The following CES5A variants were observed in gnomAD, a reference collection of about 807,000 sequenced individuals.
CES5A encodes carboxylesterase 5A, also known as carboxylesterase 5.
CES5A carries 67 observed loss-of-function variants against 62.9 expected under a neutral mutation model. That is an observed-to-expected ratio of 1.07 (90% CI 0.88 to 1.31). The LOEUF is 1.31. Among genes scored for constraint, CES5A ranks in the 50% most tolerant of loss-of-function variants. The probability of loss-of-function intolerance (pLI) is 0.00; values close to 1 mark genes in which losing one functional copy is unlikely to be tolerated. For missense variants in CES5A, 748 were observed against 708.5 expected, an observed-to-expected ratio of 1.06 and a Z score of -0.63; for synonymous variants, 296 against 280.8, an observed-to-expected ratio of 1.05 and a Z score of -0.54.
At chr16:55,925,248 A>G (rs1161724637) in intron 1 of CES5A, 1 of 152,100 alleles carries the variant, frequency 6.6e-6, no homozygotes, top group Non-Finnish European at 1.5e-5. Context: ...GCCAACAAGT[A>G]TATGAAAAAC....
chr16:55,948,710 G>C (rs942876128), intron 2 of CES5A, among the ~76,000 whole-genome samples: 1 of 152,182 alleles, frequency 6.6e-6, no homozygotes, highest in Non-Finnish European at 1.5e-5. Context: ...GACAATTGCT[G>C]TAATCCAAGC....
At chr16:55,881,913 G>C (rs1279590589) in intron 1 of CES5A, among the ~76,000 whole-genome samples, 1 of 151,998 alleles carries the variant, frequency 6.6e-6, no homozygotes, top group Non-Finnish European at 1.5e-5. Context: ...TACCTTAATG[G>C]GCAAAAAAAC....
chr16:55,886,022 C>T (rs544356983), intron 1 of CES5A, among the ~76,000 whole-genome samples: 15 of 152,326 alleles, frequency 9.8e-5, no homozygotes, highest in South Asian at 6.2e-4. Context: ...CAATCACATC[C>T]GTCCACTGCC....
intron 1 of CES5A, among the ~76,000 whole-genome samples, chr16:55,907,683 C>A (rs1410911451): frequency 6.6e-6 from 1 of 152,110 alleles, no homozygotes; most frequent in Non-Finnish European, 1.5e-5. Context: ...GAGAGGGCAC[C>A]CTCATTATTC....
At chr16:55,875,887 A>G (rs923009104), upstream of CES5A, among the ~76,000 whole-genome samples, 12 of 152,176 alleles carry the variant, frequency 7.9e-5, no homozygotes, top group Non-Finnish European at 1.5e-4. Context: ...AAGTCTGTAC[A>G]CCACTGCTCA....
intron 4 of CES5A, 53 bp downstream of exon 4, chr16:55,869,558 C>T (rs1435440046): frequency 6.3e-7 from 1 of 1,596,026 alleles, no homozygotes; most frequent in African/African-American, 1.3e-5. Flanking sequence ...TCTATGGCTA[C>T]TGCACTGCTG....
intron 1 of CES5A, among the ~76,000 whole-genome samples, chr16:55,887,575 G>T (rs1238723963): frequency 1.3e-5 from 2 of 152,118 alleles, no homozygotes; most frequent in Non-Finnish European, 2.9e-5. Flanking sequence ...CCCTGTTGCA[G>T]CAATGGATAC....
intron 2 of CES5A, among the ~76,000 whole-genome samples, chr16:55,941,079 C>T (rs1410861893): frequency 1.3e-5 from 2 of 151,950 alleles, no homozygotes; most frequent in African/African-American, 4.8e-5. Context: ...TTTTTCTTAT[C>T]AGATTGGGAG....
chr16:55,871,389 G>C (rs1404241081), intron 3 of CES5A, among the ~76,000 whole-genome samples: 22 of 152,184 alleles, frequency 1.4e-4, no homozygotes, highest in African/African-American at 5.3e-4. Flanking sequence ...CGCAACAGAG[G>C]GGAAAACAAA....
rs369919346 is a variant in CES5A at position 55,889,186 on chromosome 16, C to T, written c.-255-15149G>A. Among the ~76,000 whole-genome samples, 45 of 151,994 alleles carry T rather than the reference C, an allele frequency of 3.0e-4. No homozygotes were observed. The East Asian group carries it at 6.0e-3, about 20-fold the overall frequency. On this transcript the variant is annotated intron_variant, in intron 1 of 12. Coordinates refer to the CES5A transcript ENST00000518005. Reference sequence around the variant, plus strand: ...CTCTCCATTCTCATACACCATTCAACGCAATGCTTCTGACACCAAATGTGT... The same window carrying T: ...CTCTCCATTCTCATACACCATTCAATGCAATGCTTCTGACACCAAATGTGT...
chr16:55,854,459 TCATCAGACAG>T (rs2033192260), intron 9 of CES5A, among the ~76,000 whole-genome samples: 1 of 150,856 alleles, frequency 6.6e-6, no homozygotes, highest in Non-Finnish European at 1.5e-5. Flanking sequence ...TCCCAATTCA[TCATCAGACAG>T]CTGCAACTCG....
At chr16:55,907,078 A>G (rs2034046520) in intron 1 of CES5A, among the ~76,000 whole-genome samples, 1 of 152,216 alleles carries the variant, frequency 6.6e-6, no homozygotes, top group African/African-American at 2.4e-5. Flanking sequence ...AGTTAATTTT[A>G]TTTGGTGATG....
intron 2 of CES5A, among the ~76,000 whole-genome samples, chr16:55,932,872 G>A (rs1175346421): frequency 6.6e-6 from 1 of 152,348 alleles, no homozygotes; most frequent in South Asian, 2.1e-4. Context: ...CGTAAAGAAT[G>A]AATTTGGGGG....
At position 55,946,379 on chromosome 16, in the gene CES5A, T is replaced by C. The variant is rs111567919; in HGVS notation, c.160+3406A>G. On this transcript the variant is annotated intron_variant, in intron 2 of 13. Transcript: ENST00000521992. ...TGTGAAAAAAAAATGGGAAAGAAGC[T>C]GCAAGGCACAAAGCCAGCCCCAGCT... is the stretch of plus-strand genomic sequence containing the variant. 8.1e-3 allele frequency among the ~76,000 whole-genome samples: 1,233 copies of C among 152,260 alleles called. 18 individuals carry two copies. The highest frequency in any genetic ancestry group is 0.024 in the African/African-American group (999 of 41,560).
chr16:55,955,821 A>G (rs2034603483), intron 1 of CES5A: 2 of 1,535,622 alleles, frequency 1.3e-6, no homozygotes, highest in African/African-American at 1.4e-5. Context: ...TCCAGGCAGT[A>G]GCACCCTGTG....
At position 55,875,145 on chromosome 16, in the gene CES5A, T is replaced by A; in HGVS notation, c.73+4A>T. 1.2e-6 allele frequency: 2 copies of A among 1,613,928 alleles called. No homozygotes were observed. The highest frequency in any genetic ancestry group is 1.7e-6 in the Non-Finnish European group (2 of 1,179,806). ...GAGCCCTCCTTTCCCATTGGATATC[T>A]CACCTTTGGTGGGGGCTGCAAGGAC... On this transcript the variant is annotated splice_donor_region_variant and intron_variant, in intron 1 of 12. Coordinates refer to ENST00000290567, the MANE Select transcript of CES5A (RefSeq NM_001143685.2).
chr16:55,846,328 C>T lies in CES5A; in HGVS notation c.*123G>A, dbSNP rs749094274. ...GATCATTCCTAAGTCCATAAAATAT[C>T]AGCGAAAGCAGCTTGTTTTGCAAGG... is the stretch of plus-strand genomic sequence containing the variant. On this transcript the variant is annotated 3_prime_UTR_variant, in exon 13 of 13. Coordinates refer to ENST00000290567, the MANE Select transcript of CES5A (RefSeq NM_001143685.2). The T allele has an allele frequency of 2.8e-6, 2 of 709,680 alleles. No homozygotes were observed. Among genetic ancestry groups the T allele is most frequent in the Non-Finnish European group, 2.4e-6 (1 of 419,746 alleles). The allele number at this position is 709,680 out of a possible 1,614,324, so 44.0% of individuals were successfully genotyped here.
chr16:55,914,659 G>A (rs768830191), intron 1 of CES5A, among the ~76,000 whole-genome samples: 2 of 152,174 alleles, frequency 1.3e-5, no homozygotes, highest in Non-Finnish European at 2.9e-5. Context: ...CGAAATCCCT[G>A]ATAACTTTCT....
intron 1 of CES5A, among the ~76,000 whole-genome samples, chr16:55,953,188 A>G (rs1597165605): frequency 6.6e-6 from 1 of 152,196 alleles, no homozygotes; most frequent in Admixed American, 6.5e-5. Context: ...AACAAATTCA[A>G]CTTGTAATGT....
Sources: allele counts gnomAD v4.1 joint callset (sites outside exome capture counted in the v4.1 genomes callset), GRCh38; gene constraint gnomAD v4.1.1; transcripts MANE v1.5; gene names NCBI Gene and HGNC (gene_info 2026-07-23, HGNC 2026-07-21).